The following PBX1 variants were observed in gnomAD, a reference collection of about 807,000 sequenced individuals.
PBX1 encodes the protein pre-B-cell leukemia transcription factor 1.
Under a neutral mutation model 53.4 loss-of-function variants are expected in PBX1, and 6 were observed. The ratio of observed to expected loss-of-function variants is 0.11; its 90% CI spans 0.06 to 0.22. The LOEUF is 0.22. Ranked by LOEUF, PBX1 falls within the 10% of genes least tolerant of loss-of-function variation. PBX1 has a pLI of 1.00. For missense variants in PBX1, 251 were observed against 551.4 expected (o/e 0.46, Z 5.46); for synonymous variants, 204 against 212.3 (o/e 0.96, Z 0.34).
intron 2 of PBX1, among the ~76,000 whole-genome samples, chr1:164,629,818 C>A (rs1283438384): frequency 6.6e-6 from 1 of 151,404 alleles, no homozygotes; most frequent in African/African-American, 2.4e-5. Flanking sequence ...CTTTTTCCAA[C>A]AAGAAGGTTG....
At chr1:164,565,680 C>G (rs1356441783) in intron 2 of PBX1, among the ~76,000 whole-genome samples, 1 of 151,758 alleles carries the variant, frequency 6.6e-6, no homozygotes, top group Non-Finnish European at 1.5e-5. Flanking sequence ...AACCTTCAAT[C>G]TTTTTGCCAG....
chr1:164,646,258 T>A (rs576569911), intron 2 of PBX1, among the ~76,000 whole-genome samples: 1 of 152,214 alleles, frequency 6.6e-6, no homozygotes, highest in East Asian at 1.9e-4. Flanking sequence ...AAGTGAAAAA[T>A]CCCATTTTAA....
At chr1:164,625,755 C>T (rs1170105994) in intron 2 of PBX1, among the ~76,000 whole-genome samples, 1 of 150,078 alleles carries the variant, frequency 6.7e-6, no homozygotes, top group Non-Finnish European at 1.5e-5. Flanking sequence ...TCTCTTGCCA[C>T]TTATTTGGTT....
At chr1:164,885,660 T>C (rs1672760907) in intron 2 of PBX1, among the ~76,000 whole-genome samples, 1 of 152,196 alleles carries the variant, frequency 6.6e-6, no homozygotes, top group Non-Finnish European at 1.5e-5. Flanking sequence ...TTCCCATCTG[T>C]AAAAATGGAG....
At chr1:164,712,416 G>A (rs1026787035) in intron 2 of PBX1, among the ~76,000 whole-genome samples, 3 of 152,212 alleles carry the variant, frequency 2.0e-5, no homozygotes, top group South Asian at 2.1e-4. Context: ...CATTTTCACC[G>A]ACTGGCTGAT....
chr1:164,653,059 G>GT (rs1003745823), intron 2 of PBX1, among the ~76,000 whole-genome samples: 8 of 151,830 alleles, frequency 5.3e-5, no homozygotes, highest in Non-Finnish European at 8.8e-5. Context: ...TAGAGATGGA[G>GT]TTTTGCCATG....
At chr1:164,591,571 C>A (rs921020586) in intron 2 of PBX1, among the ~76,000 whole-genome samples, 1 of 152,188 alleles carries the variant, frequency 6.6e-6, no homozygotes, top group Non-Finnish European at 1.5e-5. Context: ...AATAAATGTT[C>A]TAATTACTAA....
chr1:164,584,648 A>C (rs1557874309), intron 2 of PBX1, among the ~76,000 whole-genome samples: 1 of 152,138 alleles, frequency 6.6e-6, no homozygotes, highest in Non-Finnish European at 1.5e-5. Flanking sequence ...GAGGGGTATC[A>C]TGGAGTAGAT....
chr1:164,713,524 C>T (rs554836045), intron 2 of PBX1, among the ~76,000 whole-genome samples: 1 of 152,266 alleles, frequency 6.6e-6, no homozygotes, highest in South Asian at 2.1e-4. Context: ...TTTTTACTCT[C>T]TATTCTGTCT....
chr1:164,650,859 T>C (rs1211377256), intron 2 of PBX1, among the ~76,000 whole-genome samples: 1 of 151,734 alleles, frequency 6.6e-6, no homozygotes, highest in Non-Finnish European at 1.5e-5. Flanking sequence ...CAGATCCTTC[T>C]CCACCACCTC....
intron 3 of PBX1, among the ~76,000 whole-genome samples, chr1:164,797,218 C>T (rs1201422449): frequency 6.6e-6 from 1 of 152,198 alleles, no homozygotes; most frequent in East Asian, 1.9e-4. Flanking sequence ...CATAATGAAG[C>T]ACATTATTAT....
At chr1:164,616,951 TA>T (rs1315377580) in intron 2 of PBX1, among the ~76,000 whole-genome samples, 2 of 152,226 alleles carry the variant, frequency 1.3e-5, no homozygotes, top group Admixed American at 6.5e-5. Context: ...ATACAGCTGT[TA>T]AATGGTAGAA....
At chr1:164,809,496 C>T (rs186634479) in intron 5 of PBX1, among the ~76,000 whole-genome samples, 2 of 152,302 alleles carry the variant, frequency 1.3e-5, no homozygotes, top group Admixed American at 6.5e-5. Flanking sequence ...ATAGAAGGAG[C>T]ATTAAGCAAG....
intron 2 of PBX1, among the ~76,000 whole-genome samples, chr1:164,659,475 A>G (rs1660358445): frequency 1.3e-5 from 2 of 152,230 alleles, no homozygotes; most frequent in African/African-American, 4.8e-5. Flanking sequence ...ACATAGCACC[A>G]AACATGTGCT....
intron 2 of PBX1, among the ~76,000 whole-genome samples, chr1:164,884,005 G>A (rs889866000): frequency 2.6e-5 from 4 of 152,126 alleles, no homozygotes; most frequent in African/African-American, 9.7e-5. Context: ...AGGGGAAGGG[G>A]AAAACCATTG....
At chr1:164,678,736 C>G (rs1159101764) in intron 2 of PBX1, among the ~76,000 whole-genome samples, 1 of 152,182 alleles carries the variant, frequency 6.6e-6, no homozygotes, top group African/African-American at 2.4e-5. Context: ...TAGATTGTTA[C>G]TATCAACACA....
At chr1:164,812,499 C>T (rs191724029) in intron 6 of PBX1, among the ~76,000 whole-genome samples, 1 of 152,270 alleles carries the variant, frequency 6.6e-6, no homozygotes, top group Admixed American at 6.5e-5. Context: ...GGGATTCTGT[C>T]ATTTGGCCTG....
At chr1:164,680,335 G>A (rs528226657) in intron 2 of PBX1, 3 of 152,174 alleles carry the variant, frequency 2.0e-5, no homozygotes, top group Non-Finnish European at 4.4e-5. Context: ...GAAAGAGAGA[G>A]CATTTACAAC....
chr1:164,837,448 G>C (rs1001150884), intron 8 of PBX1, among the ~76,000 whole-genome samples: 3 of 152,154 alleles, frequency 2.0e-5, no homozygotes, highest in African/African-American at 7.2e-5. Context: ...TAGCATCTGT[G>C]TGTCTGTCTA....
Sources: allele counts gnomAD v4.1 joint callset (sites outside exome capture counted in the v4.1 genomes callset), GRCh38; gene constraint gnomAD v4.1.1; transcripts MANE v1.5; gene names NCBI Gene and HGNC (gene_info 2026-07-23, HGNC 2026-07-21).